Variants in SOAT1 observed in about 807,000 individuals in gnomAD.
SOAT1 encodes the protein acyl-coenzyme A:cholesterol acyltransferase 1.
SOAT1 carries 55 observed loss-of-function variants against 69.5 expected under a neutral mutation model. The ratio of observed to expected loss-of-function variants is 0.79; its 90% CI spans 0.64 to 0.99. The LOEUF is 0.99. Ranked by LOEUF, SOAT1 falls within the 50% of genes least tolerant of loss-of-function variation. The pLI, the probability that SOAT1 is intolerant of heterozygous loss-of-function variation, is 0.00. For synonymous variants in SOAT1, 231 were observed against 224.7 expected (o/e 1.03, Z -0.25); for missense variants, 580 against 669.3 (o/e 0.87, Z 1.47).
At position 179,335,766 on chromosome 1, in the gene SOAT1, A is replaced by G. The variant is rs1666126237; in HGVS notation, c.329+109A>G. 7.0e-6 allele frequency: 7 copies of G among 1,006,954 alleles called. No homozygotes were observed. The Admixed American group carries it at 7.5e-5, about 11-fold the overall frequency. The allele number at this position is 1,006,954 out of a possible 1,614,324, so 62.4% of individuals were successfully genotyped here. A position where few individuals can be genotyped will look rare whatever the true frequency, so the allele number is the denominator to read the frequency against. On this transcript the variant is annotated intron_variant, in intron 4 of 15. Transcript: ENST00000367619. ...AGTTCACACCCTGGTGTCACTTTCT[A>G]TTGGCTGTGTGTTACATTGGGAAAG... is the stretch of plus-strand genomic sequence containing the variant.
At chr1:179,298,715 T>G (rs1664735801) in intron 1 of SOAT1, among the ~76,000 whole-genome samples, 1 of 152,214 alleles carries the variant, frequency 6.6e-6, no homozygotes, top group Non-Finnish European at 1.5e-5. Flanking sequence ...GGCAAAATTA[T>G]TGAACACAGA....
intron 11 of SOAT1, among the ~76,000 whole-genome samples, chr1:179,346,944 G>T (rs1197805882): frequency 6.6e-6 from 1 of 152,048 alleles, no homozygotes; most frequent in Non-Finnish European, 1.5e-5. Context: ...ATGTCCTGTG[G>T]GGGAGAGGGG....
intron 1 of SOAT1, among the ~76,000 whole-genome samples, chr1:179,300,775 T>C (rs1160826970): frequency 2.0e-5 from 3 of 152,202 alleles, no homozygotes; most frequent in Non-Finnish European, 1.5e-5. Context: ...TATCACATAG[T>C]GAAACACTGC....
At chr1:179,333,828 C>T (rs1366773282) in intron 3 of SOAT1, among the ~76,000 whole-genome samples, 3 of 125,174 alleles carry the variant, frequency 2.4e-5, no homozygotes, top group East Asian at 4.6e-4. Context: ...AGTGAAACTC[C>T]GTCTCAAAAA....
At chr1:179,339,014 A>G (rs1666247011) in intron 5 of SOAT1, among the ~76,000 whole-genome samples, 1 of 152,168 alleles carries the variant, frequency 6.6e-6, no homozygotes, top group South Asian at 2.1e-4. Context: ...TCTTAAATAC[A>G]AAAGTCAATG....
chr1:179,343,424 A>G (rs13306728), intron 9 of SOAT1, among the ~76,000 whole-genome samples, 166 bp from the exon 10 acceptor site: 15,439 of 151,968 alleles, frequency 0.1, 1,166 homozygotes, highest in East Asian at 0.41. Flanking sequence ...ACGGGGTTTC[A>G]CCATATTGGC....
chr1:179,312,275 C>T (rs1287743097), intron 2 of SOAT1, among the ~76,000 whole-genome samples: 1 of 152,062 alleles, frequency 6.6e-6, no homozygotes, highest in East Asian at 1.9e-4. Flanking sequence ...AGGCAGATAG[C>T]GGGTAATTTC....
intron 14 of SOAT1, among the ~76,000 whole-genome samples, chr1:179,350,893 A>G (rs1460024399): frequency 6.6e-6 from 1 of 152,158 alleles, no homozygotes; most frequent in Non-Finnish European, 1.5e-5. Flanking sequence ...ATTTTTCTTT[A>G]TAGAAACAGT....
intron 9 of SOAT1, among the ~76,000 whole-genome samples, chr1:179,343,375 C>G (rs1666409411): frequency 6.8e-6 from 1 of 147,838 alleles, no homozygotes; most frequent in Admixed American, 6.8e-5. Flanking sequence ...CAGGTGTGTG[C>G]CACCACGCCC....
At chr1:179,317,800 C>T (rs1665449378) in intron 2 of SOAT1, among the ~76,000 whole-genome samples, 1 of 151,830 alleles carries the variant, frequency 6.6e-6, no homozygotes, top group Admixed American at 6.6e-5. Flanking sequence ...TAACAGATGA[C>T]TTGACACTTT....
At position 179,347,701 on chromosome 1, in the gene SOAT1, G is replaced by GTA; in HGVS notation, c.1215+9_1215+10dup. ...TGGTGACAGGATGTTCTATAAGGTA[G>GTA]TATATACTTAGACTTAGCTTTCTTT... On this transcript the variant is annotated splice_donor_region_variant and intron_variant, in intron 12 of 15. Coordinates refer to ENST00000367619, the MANE Select transcript of SOAT1 (RefSeq NM_003101.6). The GTA allele has an allele frequency of 6.5e-7, 1 of 1,547,574 alleles. No individual in the cohort carries two copies. Among genetic ancestry groups the GTA allele is most frequent in the South Asian group, 1.1e-5 (1 of 87,356 alleles).
At chr1:179,342,246 C>A (rs543236538) in intron 8 of SOAT1, 54 bp downstream of exon 8, 7 of 1,208,448 alleles carry the variant, frequency 5.8e-6, no homozygotes, top group African/African-American at 1.5e-5. Flanking sequence ...CCTCTCCCCC[C>A]ACCCCATTCC....
At chr1:179,349,062 A>G (rs1666633769) in intron 13 of SOAT1, 120 bp downstream of exon 13, 2 of 645,132 alleles carry the variant, frequency 3.1e-6, no homozygotes, top group Non-Finnish European at 5.4e-6. Flanking sequence ...GGGTGATAGT[A>G]TCTTTTCAGT....
chr1:179,320,534 G>A (rs1231454102), intron 2 of SOAT1, among the ~76,000 whole-genome samples: 1 of 151,960 alleles, frequency 6.6e-6, no homozygotes, highest in Non-Finnish European at 1.5e-5. Context: ...AAAGAAGCCA[G>A]GTGAAATTTT....
At chr1:179,314,820 G>T (rs1417740323) in intron 2 of SOAT1, among the ~76,000 whole-genome samples, 1 of 152,060 alleles carries the variant, frequency 6.6e-6, no homozygotes, top group East Asian at 1.9e-4. Flanking sequence ...ACATGTCAAG[G>T]AATAAATTTT....
At position 179,356,969 on chromosome 1, in the gene SOAT1, C is replaced by T. The variant is rs1203350984; in HGVS notation, c.*3328C>T. 1 of 152,074 alleles carries T rather than the reference C, an allele frequency of 6.6e-6. No homozygotes were observed. Among genetic ancestry groups the T allele is most frequent in the Non-Finnish European group, 1.5e-5 (1 of 68,046 alleles). The allele number at this position is 152,074 out of a possible 1,614,324, so 9.4% of individuals were successfully genotyped here. ...AAGCTTTGGGATTACAGGCATGAGC[C>T]ACCATGCCAAGCCCATACTTATTGT... On this transcript the variant is annotated 3_prime_UTR_variant, in exon 16 of 16. Coordinates refer to ENST00000367619, the MANE Select transcript of SOAT1 (RefSeq NM_003101.6).
At position 179,355,302 on chromosome 1, in the gene SOAT1, T is replaced by G. The variant is rs1322665328; in HGVS notation, c.*1661T>G. 1 of 152,208 alleles carries G rather than the reference T, an allele frequency of 6.6e-6. No individual in the cohort carries two copies. The highest frequency in any genetic ancestry group is 1.5e-5 in the Non-Finnish European group (1 of 68,048). 9.4% of individuals were successfully genotyped at this position (152,208 alleles called of 1,614,324 possible). On this transcript the variant is annotated 3_prime_UTR_variant, in exon 16 of 16. Coordinates refer to ENST00000367619, the MANE Select transcript of SOAT1 (RefSeq NM_003101.6). The stretch of plus-strand genomic sequence containing the variant: ...ACATTTTTCTTAAAATTAAAACGAA[T>G]TTTTATTTTGAATTTATAACTGCAT...
rs543256537 is a variant in SOAT1 at position 179,335,076 on chromosome 1, C to T, written c.178-430C>T. On this transcript the variant is annotated intron_variant, in intron 3 of 15. Coordinates refer to ENST00000367619, the MANE Select transcript of SOAT1 (RefSeq NM_003101.6). ...GAACTTAGAATCATGGTAATTATAA[C>T]GTGGGGATAAGGCACAGTGCCGCCT... Among the ~76,000 whole-genome samples, 34 of 147,266 alleles carry T rather than the reference C, an allele frequency of 2.3e-4. 1 individual carries two copies. The South Asian group carries it at 4.1e-3, about 18-fold the overall frequency.
intron 9 of SOAT1, among the ~76,000 whole-genome samples, chr1:179,343,294 G>A (rs1353458306): frequency 6.6e-6 from 1 of 151,636 alleles, no homozygotes; most frequent in Non-Finnish European, 1.5e-5. Flanking sequence ...GTGCTATGTC[G>A]GCTCCCTGCA....
Sources: allele counts gnomAD v4.1 joint callset (sites outside exome capture counted in the v4.1 genomes callset), GRCh38; gene constraint gnomAD v4.1.1; transcripts MANE v1.5; gene names NCBI Gene and HGNC (gene_info 2026-07-23, HGNC 2026-07-21).